Variants in TCL1B observed in about 807,000 individuals in gnomAD.
TCL1B encodes the protein T-cell leukemia/lymphoma protein 1B.
A neutral mutation model predicts 16.9 loss-of-function variants in TCL1B; 14 were observed. The observed-to-expected ratio is 0.83, with a 90% confidence interval of 0.55 to 1.30. TCL1B has a LOEUF of 1.30. Ranked by LOEUF, TCL1B falls within the 50% of genes most tolerant of loss-of-function variation. The probability of loss-of-function intolerance (pLI) is 0.00; values close to 1 mark genes in which losing one functional copy is unlikely to be tolerated. For missense variants in TCL1B, 166 were observed against 165.2 expected (o/e 1.00, Z -0.03); for synonymous variants, 79 against 66.6 (o/e 1.19, Z -0.91).
intron 1 of TCL1B, 150 bp downstream of exon 1, chr14:95,686,779 C>A: frequency 2.1e-6 from 2 of 973,074 alleles, no homozygotes; most frequent in Non-Finnish European, 2.9e-6. Context: ...AATGTCCATG[C>A]CCAGCCCTGG....
At chr14:95,691,379 AAGTG>A (rs1885882634) in intron 3 of TCL1B, 43 bp downstream of exon 3, 1 of 1,572,966 alleles carries the variant, frequency 6.4e-7, no homozygotes, top group East Asian at 2.2e-5. Flanking sequence ...GATCAGACGA[AAGTG>A]AGAAGACCTC....
At chr14:95,691,044 C>T in intron 2 of TCL1B, 138 bp downstream of exon 2, 2 of 1,179,922 alleles carry the variant, frequency 1.7e-6, no homozygotes, top group Non-Finnish European at 2.4e-6. Context: ...TTCAAGGAGG[C>T]CTGAGTGTGT....
chr14:95,691,321 A>G lies in TCL1B; in HGVS notation c.387A>G (p.Ter129TrpextTer23). Residue 129 changes from the stop codon to tryptophan, a stop_lost, in exon 3 of 4, where the codon TGA (stop) becomes TGG (tryptophan). Coordinates refer to ENST00000340722, the MANE Select transcript of TCL1B (RefSeq NM_004918.4). Reference protein sequence around the residue: ...VLTYQPERKD* With the variant: ...VLTYQPERKDW ...CATATCAGCCGGAGAGGAAAGACTG[A>G]CACTGGGAGTGGCTGGTATGTTGGG... The G allele has an allele frequency of 6.2e-7, 1 of 1,613,234 alleles. No homozygotes were observed. The highest frequency in any genetic ancestry group is 1.1e-5 in the South Asian group (1 of 90,896).
At position 95,686,451 on chromosome 14, in the gene TCL1B, C is replaced by G; in HGVS notation, c.-17C>G. ...ACACGTGTGAGCCTAGAGGCGGGTC[C>G]CGGTTGCAGACTTGCCATGGCCTCC... is the stretch of plus-strand genomic sequence containing the variant. On this transcript the variant is annotated 5_prime_UTR_variant, in exon 1 of 4. Coordinates refer to ENST00000340722, the MANE Select transcript of TCL1B (RefSeq NM_004918.4). The G allele has an allele frequency of 6.3e-7, 1 of 1,577,008 alleles. No individual in the cohort carries two copies. The highest frequency in any genetic ancestry group is 2.2e-5 in the East Asian group (1 of 44,648).
rs1173843985 is a variant in TCL1B, at chr14:95,686,573, G to C, written c.106G>C (p.Val36Leu). 6.2e-7 allele frequency: 1 copy of C among 1,613,816 alleles called. No individual in the cohort carries two copies. The highest frequency in any genetic ancestry group is 8.5e-7 in the Non-Finnish European group (1 of 1,179,904). ...GGAGGGGAGAACCTGGGTGACTGTGGTCGTGCGGTTCAATCCCTCGCGTAG... is the reference window on the plus strand; with the variant it reads ...GGAGGGGAGAACCTGGGTGACTGTGCTCGTGCGGTTCAATCCCTCGCGTAG... ...DEEGRTWVTV[V>L]VRFNPSRREW... Residue 36 changes from valine to leucine, a missense_variant, in exon 1 of 4, where the codon GTC (valine) becomes CTC (leucine). Transcript: ENST00000340722.
intron 1 of TCL1B, among the ~76,000 whole-genome samples, chr14:95,690,421 G>T (rs1170868912): frequency 6.6e-6 from 1 of 152,080 alleles, no homozygotes; most frequent in East Asian, 1.9e-4. Context: ...TTAAAACGAA[G>T]ATTTAAAAAA....
chr14:95,690,533 C>T (rs1885856014), intron 1 of TCL1B, among the ~76,000 whole-genome samples: 1 of 151,852 alleles, frequency 6.6e-6, no homozygotes, highest in Admixed American at 6.6e-5. Flanking sequence ...TGCAGTGGGG[C>T]GAGGCAGGGT....
intron 1 of TCL1B, chr14:95,689,243 AG>A (rs1885831534): frequency 6.6e-6 from 1 of 152,106 alleles, no homozygotes; most frequent in Non-Finnish European, 1.5e-5. Flanking sequence ...GCTGAGATCC[AG>A]CCACTGCACT....
rs1885899457 is a variant in TCL1B at position 95,692,105 on chromosome 14, G to C, written c.*190G>C. 6.6e-6 allele frequency: 1 copy of C among 152,420 alleles called. No individual in the cohort carries two copies. 9.4% of individuals were successfully genotyped at this position (152,420 alleles called of 1,614,324 possible). A position where few individuals can be genotyped will look rare whatever the true frequency, so the allele number is the denominator to read the frequency against. ...TTTCCTTAGTTATCAGTCCTGTCCT[G>C]TCCCACTCAGGTCTGTACTTAGGGC... is the stretch of plus-strand genomic sequence containing the variant. On this transcript the variant is annotated 3_prime_UTR_variant, in exon 4 of 4. Coordinates refer to ENST00000340722, the MANE Select transcript of TCL1B (RefSeq NM_004918.4).
chr14:95,686,474 T>C lies in TCL1B; in HGVS notation c.7T>C (p.Ser3Pro). ...TCCCGGTTGCAGACTTGCCATGGCC[T>C]CCGAAGCTTCTGTGCGTCTAGGGGT... MASEASVRLGVPP... is the reference protein window; with the variant it reads MAPEASVRLGVPP... Residue 3 changes from serine (S) to proline (P), a missense_variant, in exon 1 of 4, where the codon TCC becomes CCC. Coordinates refer to ENST00000340722, the MANE Select transcript of TCL1B (RefSeq NM_004918.4). 1 of 1,592,492 alleles carries C rather than the reference T, an allele frequency of 6.3e-7. No individual in the cohort carries two copies. The highest frequency in any genetic ancestry group is 8.5e-7 in the Non-Finnish European group (1 of 1,169,842).
In TCL1B at chr14:95,691,255, C is replaced by T; in HGVS notation, c.334-13C>T. On this transcript the variant is annotated splice_polypyrimidine_tract_variant and intron_variant, in intron 2 of 3. Transcript: ENST00000340722. Reference sequence around the variant, plus strand: ...TCTCCCAGAGGTTCTGATGGCTGCTCCCTCTCCTGCAGATTGACTCTATGG... The same window carrying T: ...TCTCCCAGAGGTTCTGATGGCTGCTTCCTCTCCTGCAGATTGACTCTATGG... 1 of 1,612,838 alleles carries T rather than the reference C, an allele frequency of 6.2e-7. No individual in the cohort carries two copies. Among genetic ancestry groups the T allele is most frequent in the Non-Finnish European group, 8.5e-7 (1 of 1,179,558 alleles).
intron 1 of TCL1B, among the ~76,000 whole-genome samples, chr14:95,688,552 AATGCCG>A (rs1449744028): frequency 2.0e-5 from 3 of 152,220 alleles, no homozygotes; most frequent in African/African-American, 7.2e-5. Context: ...ATAATCCAGC[AATGCCG>A]CTTCTGGATA....
intron 3 of TCL1B, 40 bp downstream of exon 3, chr14:95,691,376 C>T (rs1005982851): frequency 2.3e-5 from 37 of 1,584,168 alleles, no homozygotes; most frequent in African/African-American, 2.0e-4. Context: ...AGGGATCAGA[C>T]GAAAGTGAGA....
At chr14:95,686,679 C>A in intron 1 of TCL1B, 50 bp downstream of exon 1, 1 of 1,533,298 alleles carries the variant, frequency 6.5e-7, no homozygotes, top group South Asian at 1.3e-5. Flanking sequence ...CGCACTGACC[C>A]CTGCCCGTGT....
At chr14:95,691,418 G>A (rs1336346131) in intron 3 of TCL1B, 82 bp downstream of exon 3, 3 of 1,318,166 alleles carry the variant, frequency 2.3e-6, no homozygotes, top group Non-Finnish European at 3.2e-6. Flanking sequence ...AGACGGCGTG[G>A]CCTCCTCCTC....
chr14:95,686,430 G>C lies in TCL1B; in HGVS notation c.-38G>C, dbSNP rs183380595. 4.5e-6 allele frequency: 7 copies of C among 1,564,684 alleles called. No homozygotes were observed. Among genetic ancestry groups the C allele is most frequent in the Admixed American group, 1.8e-5 (1 of 54,270 alleles). ...AGATTGCGCAGCTGGAAAGCTACAC[G>C]TGTGAGCCTAGAGGCGGGTCCCGGT... On this transcript the variant is annotated 5_prime_UTR_variant, in exon 1 of 4. Coordinates refer to ENST00000340722, the MANE Select transcript of TCL1B (RefSeq NM_004918.4).
chr14:95,687,398 C>T (rs2139703182), intron 1 of TCL1B, among the ~76,000 whole-genome samples: 1 of 152,164 alleles, frequency 6.6e-6, no homozygotes, highest in Admixed American at 6.5e-5. Flanking sequence ...TGCTCAAGTC[C>T]CTGATAGAAA....
intron 1 of TCL1B, 147 bp downstream of exon 1, chr14:95,686,776 A>T: frequency 9.9e-7 from 1 of 1,007,480 alleles, no homozygotes; most frequent in South Asian, 1.9e-5. Context: ...AGCAATGTCC[A>T]TGCCCAGCCC....
chr14:95,687,648 C>T lies in TCL1B; in HGVS notation c.162+1019C>T, dbSNP rs765490713. 1.5e-4 allele frequency among the ~76,000 whole-genome samples: 23 copies of T among 152,112 alleles called. No individual in the cohort carries two copies. The South Asian group carries it at 1.9e-3, about 12-fold the overall frequency. On this transcript the variant is annotated intron_variant, in intron 1 of 3. Transcript: ENST00000340722. ...TAGTGTAATGTGGTAAAAGCATATC[C>T]GGATATTTAAAATGCCATTTAGGGC...
Sources: gnomAD v4.1 joint callset for allele counts (sites outside exome capture counted in the v4.1 genomes callset) on GRCh38, gnomAD v4.1.1 for gene constraint, MANE v1.5 for transcripts, NCBI Gene and HGNC (gene_info 2026-07-23, HGNC 2026-07-21) for gene names.